CLIP1: variants seen among roughly 807,000 people sequenced by gnomAD.
CLIP1 encodes CAP-Gly domain-containing linker protein 1.
Under a neutral mutation model 161.6 loss-of-function variants are expected in CLIP1, and 66 were observed. That is an observed-to-expected ratio of 0.41 (90% CI 0.33 to 0.50). The LOEUF is 0.50. Ranked by LOEUF, CLIP1 falls within the 20% of genes least tolerant of loss-of-function variation. The pLI, the probability that CLIP1 is intolerant of heterozygous loss-of-function variation, is 0.27. For missense variants in CLIP1, 1,376 were observed against 1,702.0 expected, an observed-to-expected ratio of 0.81 and a Z score of 3.37; for synonymous variants, 598 against 626.2, an observed-to-expected ratio of 0.96 and a Z score of 0.67.
intron 6 of CLIP1, chr12:122,354,773 C>G: frequency 1.7e-6 from 1 of 577,104 alleles, no homozygotes; most frequent in South Asian, 2.1e-5. Context: ...CACCTCTCAT[C>G]TTTTTTGAAG....
At position 122,379,941 on chromosome 12, in the gene CLIP1, CT is replaced by C. The variant is rs201746898; in HGVS notation, c.85+426del. The stretch of plus-strand genomic sequence containing the variant: ...CCTGGGGAATAGAGCAAGACTCCAT[CT>C]TTAAAAAAAAAAAAAAAAAATGCAA... On this transcript the variant is annotated intron_variant, in intron 2 of 25. Transcript: ENST00000620786. Among the ~76,000 whole-genome samples, 121 of 18,476 alleles carry C rather than the reference CT, an allele frequency of 6.5e-3. 7 individuals carry two copies. Among genetic ancestry groups the C allele is most frequent in the East Asian group, 0.018 (3 of 170 alleles). 12.1% of individuals were successfully genotyped at this position (18,476 alleles called of 152,430 possible).
At chr12:122,409,411 C>T (rs1218401060) in intron 1 of CLIP1, among the ~76,000 whole-genome samples, 2 of 151,076 alleles carry the variant, frequency 1.3e-5, no homozygotes, top group Middle Eastern at 3.5e-3. Context: ...CAGGCACGAG[C>T]CACCACGCCC....
chr12:122,296,962 T>G (rs1950497058), intron 20 of CLIP1, among the ~76,000 whole-genome samples: 1 of 151,792 alleles, frequency 6.6e-6, no homozygotes, highest in South Asian at 2.1e-4. Context: ...GCTAATGAAA[T>G]TTTATACACA....
rs2136484770 is a variant in CLIP1, at chr12:122,355,412, G to A, written c.1006-100C>T. On this transcript the variant is annotated intron_variant, in intron 5 of 25. Transcript: ENST00000620786. The surrounding 1 kb of genome is among the most constrained non-coding windows in gnomAD (Gnocchi z 4.1). ...CGGGCATCTGCTCGGCAAAGCAAGG[G>A]CGCTGCTCCAGCTGGCAGGCTGGCC... The A allele has an allele frequency of 9.3e-7, 1 of 1,070,248 alleles. No homozygotes were observed. Among genetic ancestry groups the A allele is most frequent in the Non-Finnish European group, 1.4e-6 (1 of 726,510 alleles). The allele number at this position is 1,070,248 out of a possible 1,614,324, so 66.3% of individuals were successfully genotyped here.
chr12:122,278,112 G>T, intron 24 of CLIP1, 42 bp downstream of exon 24: 1 of 1,552,878 alleles, frequency 6.4e-7, no homozygotes. Context: ...CAATGATTTT[G>T]AAAAACAGCA....
At chr12:122,292,812 G>T (rs1178380908) in intron 20 of CLIP1, among the ~76,000 whole-genome samples, 3 of 151,818 alleles carry the variant, frequency 2.0e-5, no homozygotes. Context: ...GACCATCCTG[G>T]CTAACATGGT....
In CLIP1 at chr12:122,293,680, G is replaced by A. The variant is rs185176594; in HGVS notation, c.3595-5139C>T. 5.3e-3 allele frequency among the ~76,000 whole-genome samples: 800 copies of A among 151,742 alleles called. 7 individuals carry two copies. The highest frequency in any genetic ancestry group is 8.1e-3 in the Non-Finnish European group (549 of 67,956). On this transcript the variant is annotated intron_variant, in intron 20 of 25. Transcript: ENST00000620786. ...TTTAGTAGAGACAGGTTTTCTCCACGTTGATCAGGCTGGTCTCGAACTCCT... is the reference window on the plus strand; with the variant it reads ...TTTAGTAGAGACAGGTTTTCTCCACATTGATCAGGCTGGTCTCGAACTCCT...
chr12:122,367,645 C>G (rs958072990), intron 3 of CLIP1, among the ~76,000 whole-genome samples: 1 of 152,150 alleles, frequency 6.6e-6, no homozygotes, highest in Non-Finnish European at 1.5e-5. Flanking sequence ...ACAGAAGGCA[C>G]TATTATCAAA....
intron 2 of CLIP1, among the ~76,000 whole-genome samples, chr12:122,379,950 A>AAAAAAAAAAAAAAAAAAAAAAAG (rs1461120438): frequency 1.4e-5 from 2 of 142,440 alleles, no homozygotes; most frequent in Non-Finnish European, 3.0e-5. Flanking sequence ...TCTTTAAAAA[A>AAAAAAAAAAAAAAAAAAAAAAAG]AAAAAAAAAA....
intron 5 of CLIP1, among the ~76,000 whole-genome samples, chr12:122,356,408 A>G (rs1953364747): frequency 6.6e-6 from 1 of 152,186 alleles, no homozygotes; most frequent in South Asian, 2.1e-4. Flanking sequence ...CAATAACATC[A>G]TGTACTTTCA....
intron 23 of CLIP1, 125 bp downstream of exon 23, chr12:122,278,667 G>C: frequency 1.0e-6 from 1 of 995,858 alleles, no homozygotes; most frequent in South Asian, 1.9e-5. Flanking sequence ...ATTAAGTGGT[G>C]GAAGAGCTAA....
chr12:122,417,804 G>A (rs1022514984), intron 1 of CLIP1, among the ~76,000 whole-genome samples: 8 of 152,050 alleles, frequency 5.3e-5, no homozygotes, highest in Non-Finnish European at 8.8e-5. Flanking sequence ...GAGCTACCGC[G>A]CCCGGCCAAA....
chr12:122,353,072 A>T (rs573075543), intron 7 of CLIP1, among the ~76,000 whole-genome samples: 1 of 152,182 alleles, frequency 6.6e-6, no homozygotes, highest in African/African-American at 2.4e-5. Flanking sequence ...TTAGAGACAT[A>T]GCAAGTTTAA....
chr12:122,367,813 GT>G (rs200747670), intron 3 of CLIP1, among the ~76,000 whole-genome samples: 2,015 of 152,260 alleles, frequency 0.013, 44 homozygotes, highest in African/African-American at 0.041. Flanking sequence ...GAGGCCAGGA[GT>G]TTGAGACTGG....
chr12:122,344,795 G>A (rs771175238), intron 10 of CLIP1, among the ~76,000 whole-genome samples: 2 of 152,154 alleles, frequency 1.3e-5, no homozygotes, highest in African/African-American at 2.4e-5. Flanking sequence ...TGGATTTATT[G>A]GCTAGAAAGT....
chr12:122,348,773 A>G (rs181288896), intron 9 of CLIP1, among the ~76,000 whole-genome samples: 172 of 152,306 alleles, frequency 1.1e-3, no homozygotes, highest in African/African-American at 3.9e-3. Flanking sequence ...TAATTGACCT[A>G]TCAGTCTGGA....
intron 20 of CLIP1, among the ~76,000 whole-genome samples, chr12:122,292,681 C>T (rs1030095469): frequency 6.6e-6 from 1 of 152,136 alleles, no homozygotes; most frequent in East Asian, 1.9e-4. Flanking sequence ...AAACTTAAAA[C>T]TTCTACTCTT....
At chr12:122,293,068 C>T (rs945849528) in intron 20 of CLIP1, among the ~76,000 whole-genome samples, 2 of 149,058 alleles carry the variant, frequency 1.3e-5, no homozygotes, top group African/African-American at 2.5e-5. Context: ...AGAAAACATT[C>T]GCAAAACACA....
At chr12:122,364,979 G>T (rs962613822) in intron 3 of CLIP1, 1 of 416,270 alleles carries the variant, frequency 2.4e-6, no homozygotes, top group East Asian at 5.4e-5. Context: ...GTAAACTATC[G>T]CAAGGACAAA....
Sources: allele counts gnomAD v4.1 joint callset (sites outside exome capture counted in the v4.1 genomes callset), GRCh38; gene constraint gnomAD v4.1.1; non-coding constraint Gnocchi (gnomAD v3.1); transcripts MANE v1.5; gene names NCBI Gene and HGNC (gene_info 2026-07-23, HGNC 2026-07-21).